The following ERAP1 variants were observed in gnomAD, a reference collection of about 807,000 sequenced individuals.
ERAP1 encodes the protein endoplasmic reticulum aminopeptidase 1, also known as adipocyte-derived leucine aminopeptidase.
Under a neutral mutation model 103.7 loss-of-function variants are expected in ERAP1, and 86 were observed. The ratio of observed to expected loss-of-function variants is 0.83; its 90% CI spans 0.70 to 0.99. The LOEUF (loss-of-function observed/expected upper bound fraction) is 0.99, where lower values mean the gene tolerates loss of function less well. Ranked by LOEUF, ERAP1 falls within the 50% of genes least tolerant of loss-of-function variation. ERAP1 has a pLI of 0.00. For synonymous variants in ERAP1, 398 were observed against 402.4 expected (o/e 0.99, Z 0.13); for missense variants, 1,009 against 1,128.4 (o/e 0.89, Z 1.52).
At chr5:96,800,354 CATA>C (rs1777846323) in intron 3 of ERAP1, among the ~76,000 whole-genome samples, 1 of 152,168 alleles carries the variant, frequency 6.6e-6, no homozygotes, top group African/African-American at 2.4e-5. Flanking sequence ...CCTTCAGCAC[CATA>C]ATATTTGGAA....
chr5:96,779,248 C>T (rs1561663403), intron 18 of ERAP1: 1 of 152,190 alleles, frequency 6.6e-6, no homozygotes, highest in Non-Finnish European at 1.5e-5. Flanking sequence ...TAACCTAAAA[C>T]CATGTGTGGC....
At chr5:96,855,940 G>C in the ERAP1 span, among the ~76,000 whole-genome samples, 1 of 152,134 alleles carries the variant, frequency 6.6e-6, no homozygotes, top group Admixed American at 6.5e-5. Flanking sequence ...GAATGACTGT[G>C]TGTGGCCACG....
the ERAP1 span, among the ~76,000 whole-genome samples, chr5:96,848,145 T>G: frequency 4.9e-3 from 742 of 152,188 alleles, 4 homozygotes; most frequent in African/African-American, 0.016. Flanking sequence ...GCCTCCCAGG[T>G]TCAAGTGATT....
the ERAP1 span, among the ~76,000 whole-genome samples, chr5:96,862,703 G>T: frequency 6.6e-6 from 1 of 152,074 alleles, no homozygotes; most frequent in Non-Finnish European, 1.5e-5. Context: ...TTTCTTGATG[G>T]CAACAGGGTA....
At chr5:96,794,940 T>C in intron 5 of ERAP1, 102 bp downstream of exon 5, 1 of 1,426,322 alleles carries the variant, frequency 7.0e-7, no homozygotes, top group Non-Finnish European at 9.6e-7. Flanking sequence ...TTTTGTGGCT[T>C]GAGGGGCTGC....
At position 96,787,296 on chromosome 5, in the gene ERAP1, G is replaced by A. The variant is rs147736294; in HGVS notation, c.1680-747C>T. Among the ~76,000 whole-genome samples, 1,121 of 152,048 alleles carry A rather than the reference G, an allele frequency of 7.4e-3. 14 individuals are homozygous for A. The highest frequency in any genetic ancestry group is 0.026 in the African/African-American group (1,061 of 41,472). ...TTTGTTTGTTTTGAGATGGAGTTTC[G>A]CTCTTGTTGTCCAGGCTGGAGTGCA... is the stretch of plus-strand genomic sequence containing the variant. On this transcript the variant is annotated intron_variant, in intron 11 of 18. Coordinates refer to ENST00000443439, the MANE Select transcript of ERAP1 (RefSeq NM_001040458.3).
chr5:96,834,098 A>T, the ERAP1 span, among the ~76,000 whole-genome samples: 1 of 152,232 alleles, frequency 6.6e-6, no homozygotes, highest in Non-Finnish European at 1.5e-5. Flanking sequence ...CGGTAGCCTT[A>T]ATTTGTTAGC....
At chr5:96,783,841 ACACACACACACAC>A in intron 14 of ERAP1, 70 bp downstream of exon 14, 1 of 524,964 alleles carries the variant, frequency 1.9e-6, no homozygotes, top group Non-Finnish European at 2.7e-6. Flanking sequence ...ACACACACAC[ACACACACACACAC>A]ATACACACAC....
intron 12 of ERAP1, 98 bp downstream of exon 12, chr5:96,786,372 T>C: frequency 1.2e-6 from 1 of 829,444 alleles, no homozygotes. Flanking sequence ...TGATCCCTTT[T>C]GCTTTAACCA....
chr5:96,818,703 G>A, the ERAP1 span, among the ~76,000 whole-genome samples: 8 of 152,044 alleles, frequency 5.3e-5, no homozygotes, highest in South Asian at 2.1e-4. Flanking sequence ...GTTTTATTGC[G>A]GTGAGAATCA....
At chr5:96,878,704 G>A in the ERAP1 span, among the ~76,000 whole-genome samples, 1 of 152,050 alleles carries the variant, frequency 6.6e-6, no homozygotes, top group Non-Finnish European at 1.5e-5. Context: ...GAGGCAAGTG[G>A]ATCACCTGAG....
At chr5:96,896,395 G>A in the ERAP1 span, 993 of 1,610,884 alleles carry the variant, frequency 6.2e-4, 2 homozygotes, top group Non-Finnish European at 3.9e-4. Flanking sequence ...TTGAATGTGT[G>A]TTTTGAAGTA....
chr5:96,770,688 G>A, downstream of ERAP1: 1 of 890,026 alleles, frequency 1.1e-6, no homozygotes, highest in Non-Finnish European at 1.8e-6. Context: ...GTTTCCTACT[G>A]GAATCTATTT....
At chr5:96,879,887 A>T in the ERAP1 span, 1 of 1,614,146 alleles carries the variant, frequency 6.2e-7, no homozygotes, top group South Asian at 1.1e-5. Context: ...GCAGGAGCTA[A>T]GGCTCCCCAG....
At chr5:96,785,666 T>A (rs1581567980) in intron 13 of ERAP1, 122 bp downstream of exon 13, 1 of 1,126,200 alleles carries the variant, frequency 8.9e-7, no homozygotes, top group Non-Finnish European at 1.3e-6. Context: ...TAGAAGAACT[T>A]AAAGGAAAAC....
At chr5:96,844,771 T>A in the ERAP1 span, among the ~76,000 whole-genome samples, 3 of 152,230 alleles carry the variant, frequency 2.0e-5, no homozygotes, top group African/African-American at 7.2e-5. Context: ...CTGCCCAGCA[T>A]GGCTTCTGGC....
At chr5:96,929,101 A>G in the ERAP1 span, among the ~76,000 whole-genome samples, 3 of 152,338 alleles carry the variant, frequency 2.0e-5, no homozygotes, top group Admixed American at 6.5e-5. Context: ...AGACACAGAA[A>G]TCCTGGCACC....
chr5:96,781,329 C>T (rs749068057), intron 16 of ERAP1, 131 bp from the exon 17 acceptor site: 42 of 890,666 alleles, frequency 4.7e-5, no homozygotes, highest in Non-Finnish European at 6.1e-5. Context: ...AAATGGGTAA[C>T]CACAATCCTG....
chr5:96,876,766 C>T, the ERAP1 span, among the ~76,000 whole-genome samples: 3 of 152,166 alleles, frequency 2.0e-5, no homozygotes, highest in South Asian at 2.1e-4. Flanking sequence ...CTTTTCTAAG[C>T]GTTTGTGACA....
Sources: allele counts gnomAD v4.1 joint callset (sites outside exome capture counted in the v4.1 genomes callset), GRCh38; gene constraint gnomAD v4.1.1; transcripts MANE v1.5; gene names NCBI Gene and HGNC (gene_info 2026-07-23, HGNC 2026-07-21).